ACTR3C: variants seen among roughly 807,000 people sequenced by gnomAD.
The protein encoded by ACTR3C is actin related protein 3C.
In ACTR3C, 18 loss-of-function variants were observed where a neutral mutation model predicts 26.3. The ratio of observed to expected loss-of-function variants is 0.68; its 90% CI spans 0.47 to 1.01. The LOEUF (loss-of-function observed/expected upper bound fraction) is 1.01, where lower values mean the gene tolerates loss of function less well. ACTR3C is among the 50% of genes least tolerant of loss of function. The pLI, the probability that ACTR3C is intolerant of heterozygous loss-of-function variation, is 0.00. For missense variants in ACTR3C, 184 were observed against 250.7 expected (o/e 0.73, Z 1.80); for synonymous variants, 55 against 94.5 (o/e 0.58, Z 2.42).
At chr7:149,886,400 C>T in the ACTR3C span, among the ~76,000 whole-genome samples, 2 of 151,934 alleles carry the variant, frequency 1.3e-5, no homozygotes, top group South Asian at 2.1e-4. Flanking sequence ...TTTTGGAGGA[C>T]GGGGGGAGGA....
the ACTR3C span, among the ~76,000 whole-genome samples, chr7:150,117,408 C>T: frequency 1.3e-5 from 2 of 152,156 alleles, no homozygotes; most frequent in South Asian, 2.1e-4. Context: ...GAGGGGTGAT[C>T]GCCATTACTG....
At chr7:150,198,750 GGT>G in the ACTR3C span, among the ~76,000 whole-genome samples, 1 of 140,462 alleles carries the variant, frequency 7.1e-6, no homozygotes, top group African/African-American at 3.0e-5. Flanking sequence ...CCGGGAGGGA[GGT>G]GGGGGGGGGT....
At chr7:150,182,616 T>C in the ACTR3C span, among the ~76,000 whole-genome samples, 2 of 150,742 alleles carry the variant, frequency 1.3e-5, no homozygotes, top group South Asian at 2.1e-4. Context: ...GTTCCATCAA[T>C]TACAGATGGC....
the ACTR3C span, among the ~76,000 whole-genome samples, chr7:150,200,547 G>A: frequency 4.6e-5 from 7 of 152,076 alleles, no homozygotes; most frequent in Admixed American, 2.6e-4. Flanking sequence ...TCAAGAAAAC[G>A]TAGATCAAAA....
the ACTR3C span, among the ~76,000 whole-genome samples, chr7:150,049,398 A>AG: frequency 1.3e-5 from 2 of 152,156 alleles, no homozygotes; most frequent in Non-Finnish European, 2.9e-5. Context: ...CCAACTCCAG[A>AG]GGGGGGAACC....
the ACTR3C span, among the ~76,000 whole-genome samples, chr7:150,111,924 T>C: frequency 0.089 from 12,707 of 142,636 alleles, 602 homozygotes; most frequent in Middle Eastern, 0.16. Context: ...CCATACATCA[T>C]CGCTCTCCCA....
At chr7:150,121,381 G>A in the ACTR3C span, among the ~76,000 whole-genome samples, 16 of 152,008 alleles carry the variant, frequency 1.1e-4, no homozygotes, top group African/African-American at 3.9e-4. Context: ...CTTCAGCAAA[G>A]TCTCAGGATA....
At chr7:149,951,509 T>C in the ACTR3C span, among the ~76,000 whole-genome samples, 2 of 149,724 alleles carry the variant, frequency 1.3e-5, no homozygotes, top group Non-Finnish European at 2.9e-5. Flanking sequence ...CCTGTGGTGG[T>C]AGGACTCGGG....
chr7:150,308,926 T>C (rs1227056750), intron 1 of ACTR3C, among the ~76,000 whole-genome samples: 1 of 152,148 alleles, frequency 6.6e-6, no homozygotes, highest in African/African-American at 2.4e-5. Context: ...CCACTAAATA[T>C]ATACAAGAAT....
At chr7:150,085,705 C>T in the ACTR3C span, among the ~76,000 whole-genome samples, 1 of 152,042 alleles carries the variant, frequency 6.6e-6, no homozygotes, top group Non-Finnish European at 1.5e-5. Context: ...TTCTGAGACC[C>T]AGAAGGAATG....
the ACTR3C span, among the ~76,000 whole-genome samples, chr7:150,139,385 C>G: frequency 1.3e-5 from 2 of 152,252 alleles, no homozygotes; most frequent in Non-Finnish European, 2.9e-5. Flanking sequence ...AGGACATGAA[C>G]CATCTACCAA....
the ACTR3C span, among the ~76,000 whole-genome samples, chr7:150,034,674 C>A: frequency 1.3e-5 from 2 of 151,702 alleles, no homozygotes; most frequent in African/African-American, 4.8e-5. Context: ...CGTAAGGTAC[C>A]TGCCGTCGGA....
At chr7:150,039,136 G>A in the ACTR3C span, among the ~76,000 whole-genome samples, 1 of 150,756 alleles carries the variant, frequency 6.6e-6, no homozygotes, top group African/African-American at 2.4e-5. Flanking sequence ...ATCAACGATC[G>A]GGGGTCCTAA....
At position 150,262,372 on chromosome 7, in the gene ACTR3C, T is replaced by C. The variant is rs1404851271; in HGVS notation, c.565-13318A>G. Among the ~76,000 whole-genome samples, 5 of 152,398 alleles carry C rather than the reference T, an allele frequency of 3.3e-5. No individual in the cohort carries two copies. In the East Asian group the frequency reaches 5.8e-4, roughly 18 times the overall value. ...AGACATAGCTGGTGGAACTCAGTAA[T>C]GGATGTTAGGGAAAATGTTGAAAAT... On this transcript the variant is annotated intron_variant, in intron 6 of 7. Transcript: ENST00000683684.
the ACTR3C span, among the ~76,000 whole-genome samples, chr7:149,919,005 C>T: frequency 3.9e-5 from 6 of 152,220 alleles, no homozygotes; most frequent in African/African-American, 1.4e-4. Context: ...CTGCTGGGCA[C>T]TTGCTCCTCC....
At chr7:149,929,169 T>C in the ACTR3C span, among the ~76,000 whole-genome samples, 64,541 of 151,954 alleles carry the variant, frequency 0.42, 15,209 homozygotes, top group Non-Finnish European at 0.52. Context: ...GGCTCACGCC[T>C]GTAATCACAG....
the ACTR3C span, among the ~76,000 whole-genome samples, chr7:150,008,265 A>G: frequency 6.6e-6 from 1 of 152,138 alleles, no homozygotes; most frequent in Non-Finnish European, 1.5e-5. Context: ...AGGGCACACA[A>G]CTTTAGTGTT....
At chr7:150,069,535 G>A in the ACTR3C span, among the ~76,000 whole-genome samples, 1 of 152,072 alleles carries the variant, frequency 6.6e-6, no homozygotes, top group African/African-American at 2.4e-5. Flanking sequence ...GAAGAAGAAG[G>A]GATTGTATTC....
At chr7:149,995,342 A>G in the ACTR3C span, among the ~76,000 whole-genome samples, 1 of 151,930 alleles carries the variant, frequency 6.6e-6, no homozygotes, top group Non-Finnish European at 1.5e-5. Context: ...TTCTCTTTCC[A>G]TTGTGTGGAA....
Sources: gnomAD v4.1 joint callset for allele counts (sites outside exome capture counted in the v4.1 genomes callset) on GRCh38, gnomAD v4.1.1 for gene constraint, MANE v1.5 for transcripts, NCBI Gene and HGNC (gene_info 2026-07-23, HGNC 2026-07-21) for gene names.